WDR59: variants seen among roughly 807,000 people sequenced by gnomAD.
WDR59 encodes the protein WD repeat domain 59.
WDR59 carries 100 observed loss-of-function variants against 131.2 expected under a neutral mutation model. That is an observed-to-expected ratio of 0.76 (90% CI 0.65 to 0.90). WDR59 has a LOEUF of 0.90. WDR59 is among the 40% of genes least tolerant of loss of function. WDR59 has a pLI of 0.00. For missense variants in WDR59, 1,203 were observed against 1,262.2 expected, an observed-to-expected ratio of 0.95 and a Z score of 0.71; for synonymous variants, 601 against 466.2, an observed-to-expected ratio of 1.29 and a Z score of -3.72.
intron 8 of WDR59, among the ~76,000 whole-genome samples, chr16:74,928,141 C>A (rs969957423): frequency 6.7e-6 from 1 of 150,290 alleles, no homozygotes; most frequent in Non-Finnish European, 1.5e-5. Context: ...CTCTTGACAT[C>A]GTGATCCACT....
chr16:74,896,295 C>G (rs1208307311), intron 18 of WDR59, among the ~76,000 whole-genome samples: 2 of 152,090 alleles, frequency 1.3e-5, no homozygotes, highest in Non-Finnish European at 2.9e-5. Flanking sequence ...AATTGAAGGC[C>G]TCAATGAAGG....
At chr16:74,911,997 C>T (rs1271411069) in intron 14 of WDR59, 1 of 629,430 alleles carries the variant, frequency 1.6e-6, no homozygotes, top group South Asian at 2.5e-5. Context: ...AGTCTATGAC[C>T]CAAAAAAGGT....
chr16:74,945,508 G>C (rs1041471918), intron 6 of WDR59, among the ~76,000 whole-genome samples: 3 of 151,830 alleles, frequency 2.0e-5, no homozygotes, highest in Admixed American at 2.0e-4. Context: ...ACCTATAAAT[G>C]TAAGTAACAA....
In WDR59 at chr16:74,911,871, T is replaced by C. The variant is rs372183022; in HGVS notation, c.1389+327A>G. Reference sequence around the variant, plus strand: ...ATGAATGCATAGTATTAATGAGATCTGTGGGCAGATTCTATGCAATTCACA... The same window carrying C: ...ATGAATGCATAGTATTAATGAGATCCGTGGGCAGATTCTATGCAATTCACA... On this transcript the variant is annotated intron_variant, in intron 14 of 25. Transcript: ENST00000262144. 1.1e-4 allele frequency: 52 copies of C among 479,564 alleles called. 2 individuals carry two copies. The highest frequency in any genetic ancestry group is 7.8e-4 in the South Asian group (20 of 25,552). The allele number at this position is 479,564 out of a possible 1,614,324, so 29.7% of individuals were successfully genotyped here.
chr16:74,951,673 C>A, intron 3 of WDR59, 130 bp from the exon 4 acceptor site: 1 of 750,242 alleles, frequency 1.3e-6, no homozygotes. Context: ...CTGAACTTTT[C>A]TTTAAAAAGC....
chr16:74,973,190 A>G (rs928756609), intron 1 of WDR59, among the ~76,000 whole-genome samples: 3 of 152,156 alleles, frequency 2.0e-5, no homozygotes, highest in Admixed American at 6.6e-5. Flanking sequence ...GCAGTGAGCC[A>G]AGATTGCGCC....
At chr16:74,886,447 A>G in intron 23 of WDR59, 51 bp from the exon 24 acceptor site, 1 of 1,600,314 alleles carries the variant, frequency 6.2e-7, no homozygotes, top group African/African-American at 1.3e-5. Flanking sequence ...AAGGCATGGA[A>G]AATATCTGAA....
At chr16:74,968,757 T>C (rs568160801) in intron 1 of WDR59, among the ~76,000 whole-genome samples, 5 of 151,114 alleles carry the variant, frequency 3.3e-5, no homozygotes, top group East Asian at 2.0e-4. Context: ...AAACGGCAAA[T>C]AGACTATCAT....
At chr16:74,936,157 T>C (rs1197813320) in intron 8 of WDR59, among the ~76,000 whole-genome samples, 1 of 152,078 alleles carries the variant, frequency 6.6e-6, no homozygotes, top group South Asian at 2.1e-4. Flanking sequence ...GCTGGGATTA[T>C]AGGCATGAGC....
At position 74,916,241 on chromosome 16, in the gene WDR59, A is replaced by ATATG; in HGVS notation, c.981_984dup (p.Leu329HisfsTer6). The ATATG allele has an allele frequency of 6.2e-7, 1 of 1,613,984 alleles. No individual in the cohort carries two copies. On this transcript the variant is annotated frameshift_variant, in exon 12 of 26. Transcript: ENST00000262144. LOFTEE classifies it high-confidence loss of function. ...TCAATGAACTCATCAACACCATCTA[A>ATATG]TATGTCATTTGCACAAAGCTGCAAC... is the stretch of plus-strand genomic sequence containing the variant.
At position 74,971,906 on chromosome 16, in the gene WDR59, G is replaced by A. The variant is rs1055393136; in HGVS notation, c.55-6084C>T. Reference sequence around the variant, plus strand: ...AAATTTTGTGTAGAGATGGGGGGTCGCTATGTAGCCCAGTCTGGTGTTGAA... The same window carrying A: ...AAATTTTGTGTAGAGATGGGGGGTCACTATGTAGCCCAGTCTGGTGTTGAA... On this transcript the variant is annotated intron_variant, in intron 1 of 25. Coordinates refer to ENST00000262144, the MANE Select transcript of WDR59 (RefSeq NM_030581.4). Among the ~76,000 whole-genome samples, 10 of 151,938 alleles carry A rather than the reference G, an allele frequency of 6.6e-5. No individual in the cohort carries two copies. In the East Asian group the frequency reaches 7.7e-4, roughly 12 times the overall value.
rs544931449 is a variant in WDR59, at chr16:74,884,917, C to G, written c.2689+736G>C. On this transcript the variant is annotated intron_variant, in intron 25 of 25. Coordinates refer to ENST00000262144, the MANE Select transcript of WDR59 (RefSeq NM_030581.4). ...GCCTTCTCAACACACCTCAATTCCT[C>G]TTCTAAGATTCTCCCTCTCTGTTCT... Among the ~76,000 whole-genome samples, 43 of 152,326 alleles carry G rather than the reference C, an allele frequency of 2.8e-4. 1 individual carries two copies. Among genetic ancestry groups the G allele is most frequent in the African/African-American group, 9.4e-4 (39 of 41,578 alleles).
At chr16:74,981,690 C>G (rs540476173) in intron 1 of WDR59, among the ~76,000 whole-genome samples, 82 of 100,680 alleles carry the variant, frequency 8.1e-4, no homozygotes, top group Non-Finnish European at 1.2e-3. Flanking sequence ...GAGTCTCACT[C>G]TGTCGCCCAG....
intron 1 of WDR59, among the ~76,000 whole-genome samples, chr16:74,975,794 G>A (rs868860123): frequency 6.6e-6 from 1 of 151,930 alleles, no homozygotes; most frequent in Non-Finnish European, 1.5e-5. Context: ...AGTCTGGCAC[G>A]AAATCCTTAA....
intron 2 of WDR59, among the ~76,000 whole-genome samples, chr16:74,963,726 T>C (rs1049188545): frequency 2.0e-5 from 3 of 152,238 alleles, no homozygotes; most frequent in African/African-American, 7.2e-5. Flanking sequence ...ATCCTGCACA[T>C]GTATCCTGGA....
intron 8 of WDR59, among the ~76,000 whole-genome samples, chr16:74,931,018 A>C (rs2031342288): frequency 6.6e-6 from 1 of 151,962 alleles, no homozygotes; most frequent in South Asian, 2.1e-4. Flanking sequence ...GTAATGTTCT[A>C]ATGAAGATGA....
intron 1 of WDR59, among the ~76,000 whole-genome samples, chr16:74,966,677 T>C (rs2033790459): frequency 6.6e-6 from 1 of 152,012 alleles, no homozygotes; most frequent in Non-Finnish European, 1.5e-5. Flanking sequence ...CCTCAAGCCA[T>C]ATGGCAGTTG....
chr16:74,956,708 G>A, intron 2 of WDR59, 98 bp from the exon 3 acceptor site: 3 of 1,482,106 alleles, frequency 2.0e-6, no homozygotes, highest in Non-Finnish European at 2.7e-6. Flanking sequence ...TTTGCAAGCA[G>A]TGCTCCAAAA....
At chr16:74,969,047 G>T (rs2033880412) in intron 1 of WDR59, among the ~76,000 whole-genome samples, 1 of 152,088 alleles carries the variant, frequency 6.6e-6, no homozygotes, top group African/African-American at 2.4e-5. Context: ...CACCAGGTGG[G>T]GAATTCTAGA....
Sources: allele counts gnomAD v4.1 joint callset (sites outside exome capture counted in the v4.1 genomes callset), GRCh38; gene constraint gnomAD v4.1.1; transcripts MANE v1.5; gene names NCBI Gene and HGNC (gene_info 2026-07-23, HGNC 2026-07-21).